ARHGAP12: variants seen among roughly 807,000 people sequenced by gnomAD.
ARHGAP12 encodes the protein rho GTPase-activating protein 12.
Under a neutral mutation model 108.6 loss-of-function variants are expected in ARHGAP12, and 64 were observed. That is an observed-to-expected ratio of 0.59 (90% CI 0.48 to 0.73). The LOEUF (loss-of-function observed/expected upper bound fraction) is 0.73. Ranked by LOEUF, ARHGAP12 falls within the 30% of genes least tolerant of loss-of-function variation. The pLI is 0.00. For missense variants in ARHGAP12, 940 were observed against 1,005.9 expected (o/e 0.93, Z 0.89); for synonymous variants, 312 against 337.2 (o/e 0.93, Z 0.82).
At chr10:31,900,210 T>C (rs1838862486) in intron 3 of ARHGAP12, among the ~76,000 whole-genome samples, 1 of 152,170 alleles carries the variant, frequency 6.6e-6, no homozygotes, top group Non-Finnish European at 1.5e-5. Context: ...AAACTAGTAA[T>C]ACCAAATGCT....
chr10:31,924,730 G>T (rs919281085), intron 1 of ARHGAP12, among the ~76,000 whole-genome samples: 2 of 152,062 alleles, frequency 1.3e-5, no homozygotes, highest in Non-Finnish European at 1.5e-5. Context: ...TCTGCTGTGG[G>T]GAAGGAAAAG....
chr10:31,861,580 C>A lies in ARHGAP12; in HGVS notation c.763G>T (p.Ala255Ser). 2 of 1,614,170 alleles carry A rather than the reference C, an allele frequency of 1.2e-6. No homozygotes were observed. Among genetic ancestry groups the A allele is most frequent in the East Asian group, 2.2e-5 (1 of 44,884 alleles). The change falls in exon 4 of 20, where the codon GCT (alanine) becomes TCT (serine). Residue 255 changes from alanine to serine, a missense_variant. By Grantham distance (99) the Ala-to-Ser change is moderately conservative. Transcript: ENST00000344936. Reference sequence around the variant, plus strand: ...GGGCTCCCAGGAAGTGGGGGAAGAGCAGACTGGGATATTTTCAGTTCTTGA... The same window carrying A: ...GGGCTCCCAGGAAGTGGGGGAAGAGAAGACTGGGATATTTTCAGTTCTTGA... ...NLQELKISQS[A>S]LPPLPGSPAI...
In ARHGAP12 at chr10:31,908,332, C is replaced by A. The variant is rs755977039; in HGVS notation, c.524G>T (p.Arg175Leu). The change falls in exon 3 of 20, where the codon CGC (arginine) becomes CTC (leucine). Residue 175 changes from arginine to leucine, a missense_variant. Physicochemically the swap from Arg to Leu is moderately radical, Grantham distance 102 (BLOSUM62 -2). Coordinates refer to ENST00000344936, the MANE Select transcript of ARHGAP12 (RefSeq NM_018287.7). ...TGGACCGGGAAAATGACCAAATGAGCGTGTCCTATTCTGGCTGGAAACTTT... is the reference window on the plus strand; with the variant it reads ...TGGACCGGGAAAATGACCAAATGAGAGTGTCCTATTCTGGCTGGAAACTTT... ...SPKVSSQNRT[R>L]SFGHFPGPEF... 3.1e-6 allele frequency: 5 copies of A among 1,613,982 alleles called. No homozygotes were observed. The highest frequency in any genetic ancestry group is 4.2e-6 in the Non-Finnish European group (5 of 1,180,016).
intron 4 of ARHGAP12, among the ~76,000 whole-genome samples, chr10:31,858,620 A>G (rs1362770189): frequency 6.6e-6 from 1 of 152,132 alleles, no homozygotes; most frequent in Admixed American, 6.5e-5. Context: ...GTGACAACCA[A>G]AACAAGTCTT....
At chr10:31,871,923 A>T (rs1198961687) in intron 3 of ARHGAP12, among the ~76,000 whole-genome samples, 1 of 152,186 alleles carries the variant, frequency 6.6e-6, no homozygotes, top group East Asian at 1.9e-4. Flanking sequence ...TTCAAGATAG[A>T]GCCCACATCT....
intron 1 of ARHGAP12, among the ~76,000 whole-genome samples, chr10:31,915,897 T>G (rs951801414): frequency 2.0e-5 from 3 of 152,212 alleles, no homozygotes; most frequent in Non-Finnish European, 4.4e-5. Context: ...TCTACAAATG[T>G]GTGAATAATT....
At chr10:31,878,278 T>C (rs1281660195) in intron 3 of ARHGAP12, among the ~76,000 whole-genome samples, 4 of 152,230 alleles carry the variant, frequency 2.6e-5, no homozygotes, top group Admixed American at 2.6e-4. Context: ...AATGAGGTTG[T>C]AATCATAATA....
intron 6 of ARHGAP12, among the ~76,000 whole-genome samples, chr10:31,847,637 G>C (rs1165231332): frequency 1.3e-5 from 2 of 152,024 alleles, no homozygotes; most frequent in African/African-American, 4.8e-5. Flanking sequence ...CACTCTGCTT[G>C]GGATAGGGTG....
At chr10:31,927,611 T>C (rs2132518414) in intron 1 of ARHGAP12, among the ~76,000 whole-genome samples, 2 of 152,232 alleles carry the variant, frequency 1.3e-5, no homozygotes, top group South Asian at 4.1e-4. Flanking sequence ...GTTATTAGAG[T>C]GCTAAAAGCC....
intron 3 of ARHGAP12, among the ~76,000 whole-genome samples, chr10:31,906,421 T>C (rs894397707): frequency 1.3e-5 from 2 of 152,158 alleles, no homozygotes; most frequent in Admixed American, 1.3e-4. Context: ...TCAGTGATTT[T>C]CCCCAATTAT....
At chr10:31,906,581 C>G (rs1028621289) in intron 3 of ARHGAP12, among the ~76,000 whole-genome samples, 1 of 151,962 alleles carries the variant, frequency 6.6e-6, no homozygotes, top group Non-Finnish European at 1.5e-5. Flanking sequence ...CTCATGAGAG[C>G]AGGGGAAAAT....
intron 3 of ARHGAP12, among the ~76,000 whole-genome samples, chr10:31,882,038 C>A (rs1837988213): frequency 6.6e-6 from 1 of 151,056 alleles, no homozygotes; most frequent in Non-Finnish European, 1.5e-5. Flanking sequence ...CCTCAGCCTC[C>A]CAAGTAGCTG....
chr10:31,815,688 T>A (rs1272662101), intron 13 of ARHGAP12, among the ~76,000 whole-genome samples: 1 of 152,230 alleles, frequency 6.6e-6, no homozygotes, highest in Non-Finnish European at 1.5e-5. Flanking sequence ...CATTATTGAA[T>A]CTTTAAATGC....
intron 3 of ARHGAP12, among the ~76,000 whole-genome samples, chr10:31,864,846 G>A (rs548538668): frequency 4.6e-5 from 7 of 152,212 alleles, no homozygotes; most frequent in South Asian, 4.2e-4. Flanking sequence ...CCAGAACCTC[G>A]TAACATGGTA....
At chr10:31,819,989 T>G (rs72771468) in intron 12 of ARHGAP12, among the ~76,000 whole-genome samples, 35,954 of 151,636 alleles carry the variant, frequency 0.24, 4,534 homozygotes, top group Non-Finnish European at 0.29. Flanking sequence ...TTTAGACCAG[T>G]TTTTGGTTCC....
chr10:31,920,281 C>A (rs1839740048), intron 1 of ARHGAP12, among the ~76,000 whole-genome samples: 1 of 151,234 alleles, frequency 6.6e-6, no homozygotes, highest in South Asian at 2.1e-4. Context: ...TGAAACCTCA[C>A]TCTACTAAAA....
chr10:31,897,253 C>T (rs1161499951), intron 3 of ARHGAP12, among the ~76,000 whole-genome samples: 7 of 152,082 alleles, frequency 4.6e-5, no homozygotes, highest in Non-Finnish European at 1.0e-4. Flanking sequence ...TTTACCAGAG[C>T]CTTATCTGAC....
intron 3 of ARHGAP12, among the ~76,000 whole-genome samples, chr10:31,882,820 G>GAAAAAAA (rs60532023): frequency 1.5e-5 from 2 of 130,250 alleles, no homozygotes. Context: ...CTCTTAAAAA[G>GAAAAAAA]AAAAAAAAAA....
chr10:31,878,108 A>C (rs940389133), intron 3 of ARHGAP12, among the ~76,000 whole-genome samples: 1 of 152,228 alleles, frequency 6.6e-6, no homozygotes, highest in African/African-American at 2.4e-5. Flanking sequence ...AAAAGTGATG[A>C]TTAAGCTGCA....
Sources: gnomAD v4.1 joint callset for allele counts (sites outside exome capture counted in the v4.1 genomes callset) on GRCh38, gnomAD v4.1.1 for gene constraint, MANE v1.5 for transcripts, NCBI Gene and HGNC (gene_info 2026-07-23, HGNC 2026-07-21) for gene names.